NBPF3: variants seen among roughly 807,000 people sequenced by gnomAD.
The protein encoded by NBPF3 is NBPF family member NBPF3.
Under a neutral mutation model 78.1 loss-of-function variants are expected in NBPF3, and 57 were observed. That is an observed-to-expected ratio of 0.73 (90% CI 0.59 to 0.91). The LOEUF (loss-of-function observed/expected upper bound fraction) is 0.91, where lower values mean the gene tolerates loss of function less well. NBPF3 is among the 40% of genes least tolerant of loss of function. The pLI is 0.00. For missense variants in NBPF3, 510 were observed against 715.3 expected, an observed-to-expected ratio of 0.71 and a Z score of 3.27; for synonymous variants, 182 against 271.7, an observed-to-expected ratio of 0.67 and a Z score of 3.25.
chr1:21,447,422 C>T (rs1641052440), intron 2 of NBPF3, among the ~76,000 whole-genome samples: 1 of 152,200 alleles, frequency 6.6e-6, no homozygotes, highest in Non-Finnish European at 1.5e-5. Context: ...CATGCGTCCT[C>T]CTCTCCTCCA....
chr1:21,447,886 A>G (rs1220360307), intron 2 of NBPF3, among the ~76,000 whole-genome samples: 1 of 152,158 alleles, frequency 6.6e-6, no homozygotes, highest in Admixed American at 6.5e-5. Context: ...TTAATATGCA[A>G]TTCCCTAACG....
chr1:21,441,918 C>T (rs372934481), intron 1 of NBPF3, among the ~76,000 whole-genome samples: 1 of 152,132 alleles, frequency 6.6e-6, no homozygotes, highest in Non-Finnish European at 1.5e-5. Flanking sequence ...CCCACATCCT[C>T]GCTGATGCCT....
intron 1 of NBPF3, among the ~76,000 whole-genome samples, chr1:21,444,001 T>C (rs1218932779): frequency 6.6e-6 from 1 of 152,250 alleles, no homozygotes; most frequent in African/African-American, 2.4e-5. Context: ...GTATTCATTG[T>C]TGTTATTATG....
intron 2 of NBPF3, among the ~76,000 whole-genome samples, chr1:21,456,485 AAT>A (rs1442284616): frequency 4.6e-5 from 7 of 152,192 alleles, no homozygotes; most frequent in Admixed American, 1.3e-4. Flanking sequence ...GTTATATTTC[AAT>A]ATATTTGTTA....
Position 21,450,344 on chromosome 1 carries a change from A to C in NBPF3, c.133+5125A>C, listed in dbSNP as rs1437763734. ...TTCCATCATCAACCAATAACAACTC[A>C]TGGAGTCCTTCTCAAGCTCCTGCCT... On this transcript the variant is annotated intron_variant, in intron 2 of 14. Coordinates refer to ENST00000318249, the MANE Select transcript of NBPF3 (RefSeq NM_032264.6). 2.6e-5 allele frequency among the ~76,000 whole-genome samples: 4 copies of C among 152,176 alleles called. No individual in the cohort carries two copies. The South Asian group carries it at 6.2e-4, about 24-fold the overall frequency.
intron 2 of NBPF3, among the ~76,000 whole-genome samples, chr1:21,464,251 G>A (rs1180030344): frequency 6.6e-6 from 1 of 152,174 alleles, no homozygotes; most frequent in Non-Finnish European, 1.5e-5. Context: ...TAAACAAAAT[G>A]TGGTATAACC....
At position 21,445,063 on chromosome 1, in the gene NBPF3, G is replaced by A. The variant is rs1256345419; in HGVS notation, c.-24G>A. On this transcript the variant is annotated 5_prime_UTR_variant, in exon 2 of 15. In the 5' UTR this introduces an upstream ATG that the reference lacks. Transcript: ENST00000318249. The stretch of plus-strand genomic sequence containing the variant: ...AGGGTATCTGGAGCTTCAGTGCTGT[G>A]TGCTCTTGGCCTCCACACTGGGGAT... 1 of 1,606,118 alleles carries A rather than the reference G, an allele frequency of 6.2e-7. No homozygotes were observed. The highest frequency in any genetic ancestry group is 1.1e-5 in the South Asian group (1 of 90,600).
intron 5 of NBPF3, among the ~76,000 whole-genome samples, chr1:21,472,359 C>T (rs1320688917): frequency 6.6e-6 from 1 of 152,210 alleles, no homozygotes; most frequent in Non-Finnish European, 1.5e-5. Context: ...GTGCTTGATA[C>T]TGGAGCACTC....
At chr1:21,471,470 C>T in intron 4 of NBPF3, 99 bp from the exon 5 acceptor site, 2 of 1,576,028 alleles carry the variant, frequency 1.3e-6, no homozygotes, top group Non-Finnish European at 1.7e-6. Flanking sequence ...GCTTGGAGGT[C>T]TCCTTGAGGA....
chr1:21,440,332 C>T lies in NBPF3; in HGVS notation c.-156C>T, dbSNP rs1478650061. On this transcript the variant is annotated 5_prime_UTR_variant, in exon 1 of 15. Transcript: ENST00000318249. ...CTGGATGGGAAGTTACGGCGAAGTC[C>T]ACCCAGCGTTTCTCAGGTGAGGGCG... The T allele has an allele frequency of 6.7e-6, 1 of 149,894 alleles. No homozygotes were observed. Among genetic ancestry groups the T allele is most frequent in the Non-Finnish European group, 1.5e-5 (1 of 66,740 alleles). 9.3% of individuals were successfully genotyped at this position (149,894 alleles called of 1,614,324 possible). A position where few individuals can be genotyped will look rare whatever the true frequency, so the allele number is the denominator to read the frequency against.
In NBPF3 at chr1:21,471,219, A is replaced by G. The variant is rs185448276; in HGVS notation, c.447-350A>G. ...CCATGGCTTTGTATCTAGTCGCTGC[A>G]AGATGCACTATGTGTATATGCACGT... On this transcript the variant is annotated intron_variant, in intron 4 of 14. Coordinates refer to ENST00000318249, the MANE Select transcript of NBPF3 (RefSeq NM_032264.6). 2.6e-5 allele frequency among the ~76,000 whole-genome samples: 4 copies of G among 152,292 alleles called. No individual in the cohort carries two copies. In the East Asian group the frequency reaches 7.7e-4, roughly 29 times the overall value.
upstream of NBPF3, chr1:21,440,036 C>A (rs1269397800): frequency 6.6e-6 from 1 of 152,294 alleles, no homozygotes; most frequent in Non-Finnish European, 1.5e-5. Flanking sequence ...GCCGCCGAGT[C>A]CCTTTAAGGC....
intron 7 of NBPF3, 97 bp from the exon 8 acceptor site, chr1:21,474,803 G>C: frequency 8.7e-7 from 1 of 1,143,802 alleles, no homozygotes; most frequent in Non-Finnish European, 1.3e-6. Flanking sequence ...CTTGCACTGA[G>C]AATAGTTATG....
chr1:21,448,878 AGTTT>A (rs1211193717), intron 2 of NBPF3, among the ~76,000 whole-genome samples: 6 of 152,060 alleles, frequency 3.9e-5, no homozygotes, highest in African/African-American at 1.4e-4. Flanking sequence ...GTTGACTTTC[AGTTT>A]GTTCAGCTTT....
intron 2 of NBPF3, chr1:21,451,809 T>C: frequency 3.1e-6 from 1 of 317,914 alleles, no homozygotes; most frequent in South Asian, 5.4e-5. Flanking sequence ...ATATTATATC[T>C]GTAAAAACTC....
At chr1:21,461,388 G>C (rs1185897077) in intron 2 of NBPF3, among the ~76,000 whole-genome samples, 1 of 152,006 alleles carries the variant, frequency 6.6e-6, no homozygotes, top group Non-Finnish European at 1.5e-5. Context: ...AACGAAACAA[G>C]GGAAAAACAC....
At chr1:21,475,218 G>A (rs1418112442) in intron 8 of NBPF3, among the ~76,000 whole-genome samples, 1 of 152,116 alleles carries the variant, frequency 6.6e-6, no homozygotes, top group Non-Finnish European at 1.5e-5. Context: ...ACCAGCTCCT[G>A]GATTCACTGA....
intron 2 of NBPF3, chr1:21,467,225 A>G (rs1642323630): frequency 1.0e-6 from 1 of 985,314 alleles, no homozygotes; most frequent in South Asian, 4.7e-5. Flanking sequence ...CATGCTTTGA[A>G]ATGGGATTGA....
chr1:21,472,779 C>T (rs1406378332), intron 5 of NBPF3, 64 bp from the exon 6 acceptor site: 15 of 1,149,184 alleles, frequency 1.3e-5, no homozygotes, highest in South Asian at 2.4e-5. Context: ...TGTGCACATT[C>T]GGCTGACTGT....
Sources: allele counts gnomAD v4.1 joint callset (sites outside exome capture counted in the v4.1 genomes callset), GRCh38; gene constraint gnomAD v4.1.1; transcripts MANE v1.5; gene names NCBI Gene and HGNC (gene_info 2026-07-23, HGNC 2026-07-21).